NLRC5: variants seen among roughly 807,000 people sequenced by gnomAD.
NLRC5 encodes NLR family CARD domain containing 5.
A neutral mutation model predicts 206.9 loss-of-function variants in NLRC5; 114 were observed. The ratio of observed to expected loss-of-function variants is 0.55; its 90% CI spans 0.47 to 0.64. The LOEUF (loss-of-function observed/expected upper bound fraction) is 0.64. Ranked by LOEUF, NLRC5 falls within the 30% of genes least tolerant of loss-of-function variation. The pLI, the probability that NLRC5 is intolerant of heterozygous loss-of-function variation, is 0.00. For synonymous variants in NLRC5, 952 were observed against 962.8 expected (o/e 0.99, Z 0.21); for missense variants, 2,008 against 2,305.5 (o/e 0.87, Z 2.64).
intron 1 of NLRC5, among the ~76,000 whole-genome samples, chr16:57,011,097 C>T (rs527247141): frequency 9.9e-5 from 15 of 152,220 alleles, no homozygotes; most frequent in African/African-American, 2.6e-4. Flanking sequence ...TTAAAATATA[C>T]ACATGCCACA....
At chr16:57,059,814 C>A (rs930920694) in intron 30 of NLRC5, among the ~76,000 whole-genome samples, 1 of 152,144 alleles carries the variant, frequency 6.6e-6, no homozygotes, top group African/African-American at 2.4e-5. Context: ...GGCCTTGAGG[C>A]TTCTGAGTGT....
At chr16:57,063,039 T>G (rs2066701531) in intron 32 of NLRC5, among the ~76,000 whole-genome samples, 2 of 152,138 alleles carry the variant, frequency 1.3e-5, no homozygotes, top group Non-Finnish European at 1.5e-5. Flanking sequence ...CTGGCTCATT[T>G]CATTGGGCAT....
At chr16:57,050,115 A>AC (rs1247256494) in intron 23 of NLRC5, among the ~76,000 whole-genome samples, 1 of 151,438 alleles carries the variant, frequency 6.6e-6, no homozygotes, top group Non-Finnish European at 1.5e-5. Context: ...TTAAAAAAAA[A>AC]AAAAAGGAGG....
chr16:57,067,884 C>T (rs2067235307), intron 36 of NLRC5, 56 bp downstream of exon 36: 1 of 1,349,102 alleles, frequency 7.4e-7, no homozygotes. Flanking sequence ...TGCCCTGACA[C>T]CTCCCGTTAT....
At chr16:57,003,099 G>A (rs997805496) in intron 1 of NLRC5, among the ~76,000 whole-genome samples, 3 of 151,170 alleles carry the variant, frequency 2.0e-5, no homozygotes, top group Non-Finnish European at 4.4e-5. Flanking sequence ...TCGCTCTGTC[G>A]CCCAGACTGG....
rs43216 is a variant in NLRC5 at position 57,082,907 on chromosome 16, A to G, written c.*379A>G. 0.59 allele frequency: 108,965 copies of G among 184,304 alleles called. 32,936 individuals are homozygous for G. The highest frequency in any genetic ancestry group is 0.83 in the East Asian group (5,616 of 6,742). 11.4% of individuals were successfully genotyped at this position (184,304 alleles called of 1,614,324 possible). On this transcript the variant is annotated 3_prime_UTR_variant, in exon 49 of 49. Coordinates refer to ENST00000688547, the MANE Select transcript of NLRC5 (RefSeq NM_001384950.1). ...TGGCATGGGTGCTGGCATCCCAAGT[A>G]GCAGGATACATGATTGTTGGTCTAT...
At position 57,037,328 on chromosome 16, in the gene NLRC5, A is replaced by G. The variant is rs2062726279; in HGVS notation, c.2801+44A>G. 2.0e-6 allele frequency: 3 copies of G among 1,492,294 alleles called. No individual in the cohort carries two copies. The East Asian group carries it at 6.9e-5, about 35-fold the overall frequency. 92.4% of individuals were successfully genotyped at this position (1,492,294 alleles called of 1,614,324 possible). A position where few individuals can be genotyped will look rare whatever the true frequency, so the allele number is the denominator to read the frequency against. The stretch of plus-strand genomic sequence containing the variant: ...CACGGTACCCATCCCCCCCCCCATC[A>G]TGCTCTCTCTGAAGCCCTTGGAATT... On this transcript the variant is annotated intron_variant, in intron 15 of 48. Coordinates refer to ENST00000688547, the MANE Select transcript of NLRC5 (RefSeq NM_001384950.1).
intron 1 of NLRC5, chr16:57,013,733 A>G (rs1483324196): frequency 1.4e-6 from 1 of 729,986 alleles, no homozygotes; most frequent in Admixed American, 2.1e-5. Context: ...ATAAAAGTCA[A>G]CAATACGTTT....
rs1567652668 is a variant in NLRC5 at position 57,079,583 on chromosome 16, C to G, written c.5275C>G (p.Leu1759Val). Residue 1759 changes from leucine to valine, a missense_variant, in exon 46 of 49, where the codon CTC becomes GTC. Physicochemically the swap from Leu to Val is conservative, Grantham distance 32 (BLOSUM62 1). Transcript: ENST00000688547. ...TAAGATTGACAACCAGACTGCCAAG[C>G]TCCTCACCTCCAGCTTCACGAGCTG... Reference protein sequence around the residue: ...SCKIDNQTAKLLTSSFTSCPA... With the variant: ...SCKIDNQTAKVLTSSFTSCPA... 6.2e-7 allele frequency: 1 copy of G among 1,614,110 alleles called. No homozygotes were observed. The highest frequency in any genetic ancestry group is 1.7e-5 in the Admixed American group (1 of 60,022).
At chr16:57,006,855 A>AT (rs1224413508) in intron 1 of NLRC5, among the ~76,000 whole-genome samples, 1 of 150,574 alleles carries the variant, frequency 6.6e-6, no homozygotes, top group African/African-American at 2.4e-5. Context: ...TTGTATACAC[A>AT]TTTTTTGAGA....
At chr16:57,008,721 G>GT (rs1452738629) in intron 1 of NLRC5, among the ~76,000 whole-genome samples, 11 of 141,272 alleles carry the variant, frequency 7.8e-5, no homozygotes, top group Non-Finnish European at 1.8e-4. Flanking sequence ...GGCCAAAAGT[G>GT]TTTTATTATT....
At chr16:57,068,819 C>T (rs7191840) in intron 36 of NLRC5, among the ~76,000 whole-genome samples, 5,749 of 152,306 alleles carry the variant, frequency 0.038, 373 homozygotes, top group African/African-American at 0.13. Flanking sequence ...TTTAGTGTCT[C>T]CTTCAATCTG....
At chr16:57,003,264 G>T (rs1372572003) in intron 1 of NLRC5, among the ~76,000 whole-genome samples, 1 of 151,848 alleles carries the variant, frequency 6.6e-6, no homozygotes, top group Non-Finnish European at 1.5e-5. Flanking sequence ...TGCCCAGGCT[G>T]CTCTCAAACT....
intron 1 of NLRC5, among the ~76,000 whole-genome samples, chr16:56,990,002 A>G (rs2056612575): frequency 6.6e-6 from 1 of 152,268 alleles, no homozygotes; most frequent in African/African-American, 2.4e-5. Context: ...TAAAACAATT[A>G]CGGAAGTTAC....
intron 1 of NLRC5, among the ~76,000 whole-genome samples, chr16:57,001,283 A>G (rs2058216436): frequency 6.6e-6 from 1 of 152,210 alleles, no homozygotes; most frequent in South Asian, 2.1e-4. Flanking sequence ...AAATGTCTGT[A>G]GTCATGACTG....
At chr16:57,069,437 C>A (rs2067400088) in intron 36 of NLRC5, among the ~76,000 whole-genome samples, 1 of 151,980 alleles carries the variant, frequency 6.6e-6, no homozygotes, top group South Asian at 2.1e-4. Context: ...CCCATCTCTA[C>A]AAAAAATAAA....
chr16:57,012,143 T>C (rs1323707822), intron 1 of NLRC5, among the ~76,000 whole-genome samples: 1 of 152,262 alleles, frequency 6.6e-6, no homozygotes, highest in Non-Finnish European at 1.5e-5. Flanking sequence ...AATAGAATCA[T>C]ACAATACGTG....
Position 57,038,141 on chromosome 16 carries a change from G to T in NLRC5, c.2801+857G>T, listed in dbSNP as rs567629630. ...AAGAAAATAGCTGGAATGTTTAACCGAGGGATATTAGTTAGACTAAGTTAC... is the reference window on the plus strand; with the variant it reads ...AAGAAAATAGCTGGAATGTTTAACCTAGGGATATTAGTTAGACTAAGTTAC... On this transcript the variant is annotated intron_variant, in intron 15 of 48. Coordinates refer to ENST00000688547, the MANE Select transcript of NLRC5 (RefSeq NM_001384950.1). Among the ~76,000 whole-genome samples the T allele has an allele frequency of 2.0e-5, 3 of 152,276 alleles. No homozygotes were observed. The South Asian group carries it at 6.2e-4, about 32-fold the overall frequency.
intron 1 of NLRC5, chr16:56,990,549 G>C (rs1249495784): frequency 6.6e-6 from 1 of 152,136 alleles, no homozygotes; most frequent in Non-Finnish European, 1.5e-5. Context: ...CGAGGAGGTC[G>C]GAAGAGGCTC....
Sources: allele counts gnomAD v4.1 joint callset (sites outside exome capture counted in the v4.1 genomes callset), GRCh38; gene constraint gnomAD v4.1.1; transcripts MANE v1.5; gene names NCBI Gene and HGNC (gene_info 2026-07-23, HGNC 2026-07-21).